Variants in DOCK9 observed in about 807,000 individuals in gnomAD.
DOCK9 encodes the protein dedicator of cytokinesis 9.
In DOCK9, 89 loss-of-function variants were observed where a neutral mutation model predicts 263.3. That is an observed-to-expected ratio of 0.34 (90% CI 0.28 to 0.40). DOCK9 has a LOEUF of 0.40. DOCK9 is among the 10% of genes least tolerant of loss of function. The pLI is 1.00. For missense variants in DOCK9, 2,140 were observed against 2,603.4 expected (o/e 0.82, Z 3.87); for synonymous variants, 976 against 973.1 (o/e 1.00, Z -0.06).
At chr13:99,086,338 G>T (rs1268176010) in exon 1 of DOCK9, 25 of 1,453,106 alleles carry the variant, frequency 1.7e-5, no homozygotes, top group Non-Finnish European at 2.1e-5. Context: ...GGGGAGCAGC[G>T]GCGGCTGCGA....
intron 7 of DOCK9, among the ~76,000 whole-genome samples, chr13:98,920,036 G>C (rs1566965374): frequency 2.0e-5 from 3 of 152,276 alleles, no homozygotes; most frequent in South Asian, 4.1e-4. Flanking sequence ...CAGATGGATG[G>C]ATGGATGGAT....
chr13:98,876,447 C>G (rs544241483), intron 27 of DOCK9, among the ~76,000 whole-genome samples: 2 of 152,084 alleles, frequency 1.3e-5, no homozygotes, highest in Admixed American at 1.3e-4. Context: ...GCCCAGATTG[C>G]GTCACAGCAC....
Position 98,867,934 on chromosome 13 carries a change from G to C in DOCK9, c.3168C>G (p.Asp1056Glu). Residue 1056 changes from aspartate (D) to glutamate (E), a missense_variant, in exon 29 of 53, where the codon GAC becomes GAG. This residue lies in a region of DOCK9 where 1,521 missense variants were observed against 1,741.7 expected (regional missense o/e 0.87). Coordinates refer to ENST00000682017, the MANE Select transcript of DOCK9 (RefSeq NM_001366683.2). ...GTAACAACCCCCGCACTACCTTTGG[G>C]TCTCCAGGAGCAAAACAGCTAATGT... ...NNYISCFAPG[D>E]PKTLFEYKFE... 1 of 1,613,434 alleles carries C rather than the reference G, an allele frequency of 6.2e-7. No homozygotes were observed. Among genetic ancestry groups the C allele is most frequent in the Non-Finnish European group, 8.5e-7 (1 of 1,179,716 alleles).
At position 98,926,027 on chromosome 13, in the gene DOCK9, A is replaced by T. The variant is rs908175033; in HGVS notation, c.334-108T>A. The T allele has an allele frequency of 6.0e-5, 47 of 781,086 alleles. No individual in the cohort carries two copies. In the African/African-American group the frequency reaches 6.5e-4, roughly 11 times the overall value. 48.4% of individuals were successfully genotyped at this position (781,086 alleles called of 1,614,324 possible). Reference sequence around the variant, plus strand: ...GCATACCCATAGAAACATCAAAAAAATTTTTTCCCATCAACGAGCTAATGC... The same window carrying T: ...GCATACCCATAGAAACATCAAAAAATTTTTTTCCCATCAACGAGCTAATGC... On this transcript the variant is annotated intron_variant, in intron 3 of 52. Coordinates refer to ENST00000682017, the MANE Select transcript of DOCK9 (RefSeq NM_001366683.2).
chr13:99,009,359 C>T (rs1282332192), intron 1 of DOCK9, among the ~76,000 whole-genome samples: 1 of 152,122 alleles, frequency 6.6e-6, no homozygotes, highest in African/African-American at 2.4e-5. Context: ...CACCGGGCAT[C>T]ATTAAGAAAA....
chr13:98,998,177 G>T (rs1396092826), intron 1 of DOCK9, among the ~76,000 whole-genome samples: 1 of 152,194 alleles, frequency 6.6e-6, no homozygotes, highest in Non-Finnish European at 1.5e-5. Context: ...TGGGGCAAGG[G>T]TGATGGCAGC....
chr13:98,912,028 C>A lies in DOCK9; in HGVS notation c.960+2300G>T, dbSNP rs570027759. 7.2e-5 allele frequency among the ~76,000 whole-genome samples: 11 copies of A among 151,794 alleles called. No individual in the cohort carries two copies. The East Asian group carries it at 2.2e-3, about 30-fold the overall frequency. ...GGGATTACAGGCACCTGCCACCACGCCTAGCTAATTTTTGTATTTCTAGTA... is the reference window on the plus strand; with the variant it reads ...GGGATTACAGGCACCTGCCACCACGACTAGCTAATTTTTGTATTTCTAGTA... On this transcript the variant is annotated intron_variant, in intron 9 of 52. Transcript: ENST00000682017.
chr13:98,948,033 A>G (rs1046239438), intron 2 of DOCK9, among the ~76,000 whole-genome samples: 3 of 152,230 alleles, frequency 2.0e-5, no homozygotes, highest in African/African-American at 7.2e-5. Context: ...AGGACAAAAC[A>G]TCGTGAAAAA....
At chr13:98,922,958 G>A (rs1245997912) in intron 5 of DOCK9, among the ~76,000 whole-genome samples, 1 of 152,148 alleles carries the variant, frequency 6.6e-6, no homozygotes, top group African/African-American at 2.4e-5. Context: ...AAATCTACTG[G>A]CTGGCAGCTG....
chr13:98,809,657 G>A (rs575502425), intron 46 of DOCK9, among the ~76,000 whole-genome samples, 192 bp from the exon 47 acceptor site: 8 of 152,316 alleles, frequency 5.3e-5, no homozygotes, highest in South Asian at 4.1e-4. Flanking sequence ...CAGCCCACAC[G>A]TGAGGACCCA....
chr13:98,849,904 G>T, intron 36 of DOCK9, 143 bp downstream of exon 36: 2 of 622,772 alleles, frequency 3.2e-6, no homozygotes, highest in Non-Finnish European at 5.6e-6. Flanking sequence ...ATGTTTTAGG[G>T]CCAAGACCAT....
intron 45 of DOCK9, among the ~76,000 whole-genome samples, chr13:98,818,831 TTG>T (rs142278524): frequency 1.7e-3 from 258 of 149,572 alleles, no homozygotes; most frequent in African/African-American, 4.8e-3. Context: ...CACACTAACA[TTG>T]TGTGTGTGTG....
intron 27 of DOCK9, chr13:98,871,938 C>A (rs146164572): frequency 0.034 from 5,224 of 153,098 alleles, 145 homozygotes; most frequent in Middle Eastern, 0.095. Flanking sequence ...CAACTGACTC[C>A]TCGAATGAAC....
chr13:98,942,301 C>T (rs545378120), intron 2 of DOCK9, among the ~76,000 whole-genome samples: 1 of 149,662 alleles, frequency 6.7e-6, no homozygotes, highest in South Asian at 2.1e-4. Context: ...TACAGTGGCG[C>T]GATCTTGGCT....
intron 1 of DOCK9, among the ~76,000 whole-genome samples, chr13:99,048,345 C>T (rs552632682): frequency 6.6e-6 from 1 of 152,316 alleles, no homozygotes; most frequent in South Asian, 2.1e-4. Context: ...GTTACCATTC[C>T]CCTCTGCTAC....
chr13:98,955,910 A>G (rs2058001382), intron 1 of DOCK9, among the ~76,000 whole-genome samples: 1 of 152,250 alleles, frequency 6.6e-6, no homozygotes. Flanking sequence ...AGTTGAGGCC[A>G]GATGCCCAGA....
At chr13:99,008,395 A>G (rs1267417950) in intron 1 of DOCK9, among the ~76,000 whole-genome samples, 2 of 151,574 alleles carry the variant, frequency 1.3e-5, no homozygotes, top group African/African-American at 2.4e-5. Context: ...CACCACACCC[A>G]GCTAATTTTT....
intron 1 of DOCK9, among the ~76,000 whole-genome samples, chr13:99,008,226 ATATATATATTT>A (rs1883761200): frequency 8.4e-6 from 1 of 119,094 alleles, no homozygotes; most frequent in African/African-American, 3.3e-5. Flanking sequence ...ATATATATAT[ATATATATATTT>A]TTTTTTTTTT....
intron 1 of DOCK9, among the ~76,000 whole-genome samples, chr13:98,989,346 G>GATGATGATGATAATA: frequency 1.7e-5 from 1 of 60,064 alleles, no homozygotes; most frequent in East Asian, 3.4e-4. Flanking sequence ...TGATGATGAT[G>GATGATGATGATAATA]ATAATAATAA....
Sources: gnomAD v4.1 joint callset for allele counts (sites outside exome capture counted in the v4.1 genomes callset) on GRCh38, gnomAD v4.1.1 for gene constraint, gnomAD v4.1.1 regional missense constraint, MANE v1.5 for transcripts, NCBI Gene and HGNC (gene_info 2026-07-23, HGNC 2026-07-21) for gene names.